Variants in IL1RAPL2 observed in about 807,000 individuals in gnomAD.
The protein encoded by IL1RAPL2 is interleukin 1 receptor accessory protein like 2.
Under a neutral mutation model 44.1 loss-of-function variants are expected in IL1RAPL2, and 3 were observed. The observed-to-expected ratio is 0.07, with a 90% CI of 0.03 to 0.18. The LOEUF is 0.18. Among genes scored for constraint, IL1RAPL2 ranks in the 10% least tolerant of loss-of-function variants. The pLI is 1.00. For missense variants in IL1RAPL2, 391 were observed against 496.4 expected (o/e 0.79, Z 2.02); for synonymous variants, 181 against 178.8 (o/e 1.01, Z -0.10).
At chrX:104,638,679 T>G (rs1929874377) in intron 1 of IL1RAPL2, among the ~76,000 whole-genome samples, 1 of 112,235 alleles carries the variant, frequency 8.9e-6, no homozygotes, top group Non-Finnish European at 1.9e-5. Flanking sequence ...AGTTCTTGTT[T>G]GTATTGATTT....
chrX:105,197,484 T>C (rs1218026995), intron 3 of IL1RAPL2, among the ~76,000 whole-genome samples: 4 of 111,912 alleles, frequency 3.6e-5, no homozygotes, highest in African/African-American at 9.8e-5. Flanking sequence ...TTAAACAAAT[T>C]ATTGCTACTT....
intron 1 of IL1RAPL2, among the ~76,000 whole-genome samples, chrX:104,601,545 A>G (rs1178235915): frequency 8.9e-6 from 1 of 112,047 alleles, no homozygotes; most frequent in Non-Finnish European, 1.9e-5. Flanking sequence ...CATTTGACCT[A>G]GGTCAAATGG....
intron 5 of IL1RAPL2, among the ~76,000 whole-genome samples, chrX:105,447,342 T>TATATAAATATATAAATATATAA (rs1163480673): frequency 3.4e-5 from 2 of 59,307 alleles, no homozygotes; most frequent in Non-Finnish European, 5.7e-5. Flanking sequence ...AAAATATAAA[T>TATATAAATATATAAATATATAA]ATATAAATAT....
chrX:104,751,699 T>C, intron 2 of IL1RAPL2, among the ~76,000 whole-genome samples: 1 of 111,506 alleles, frequency 9.0e-6, no homozygotes, highest in Middle Eastern at 4.6e-3. Flanking sequence ...CATTATGTCA[T>C]AGCATTGGAG....
chrX:105,153,297 C>T (rs781340820), intron 2 of IL1RAPL2, among the ~76,000 whole-genome samples: 1 of 111,693 alleles, frequency 9.0e-6, no homozygotes, highest in Non-Finnish European at 1.9e-5. Context: ...AGCCACATGA[C>T]GTATATAAAC....
At chrX:105,106,540 A>G (rs1185333428) in intron 2 of IL1RAPL2, among the ~76,000 whole-genome samples, 2 of 111,505 alleles carry the variant, frequency 1.8e-5, no homozygotes, top group Non-Finnish European at 3.8e-5. Context: ...GAGTCTACTC[A>G]GAAATATACA....
chrX:104,837,589 G>C (rs1034219083), intron 2 of IL1RAPL2, among the ~76,000 whole-genome samples: 1 of 111,111 alleles, frequency 9.0e-6, no homozygotes, highest in Non-Finnish European at 1.9e-5. Flanking sequence ...TTTTTTTCTT[G>C]TAAACTTGTT....
chrX:105,557,581 C>T (rs1208884072), intron 6 of IL1RAPL2, among the ~76,000 whole-genome samples: 1 of 111,294 alleles, frequency 9.0e-6, no homozygotes, highest in Non-Finnish European at 1.9e-5. Context: ...AGTCTTCATG[C>T]AATTCACTTT....
At chrX:105,654,893 A>G (rs1023377542) in intron 6 of IL1RAPL2, among the ~76,000 whole-genome samples, 1 of 111,883 alleles carries the variant, frequency 8.9e-6, no homozygotes, top group African/African-American at 3.2e-5. Context: ...AGACCTAGGT[A>G]CAGATCACTC....
At chrX:105,443,847 G>A (rs1256328227) in intron 5 of IL1RAPL2, among the ~76,000 whole-genome samples, 1 of 111,644 alleles carries the variant, frequency 9.0e-6, no homozygotes, top group African/African-American at 3.3e-5. Flanking sequence ...CTTTTTGGGG[G>A]GTATGTACAC....
intron 2 of IL1RAPL2, among the ~76,000 whole-genome samples, chrX:104,912,158 CTTTGTTTTGTTTTGT>C (rs761208158): frequency 2.9e-5 from 3 of 103,041 alleles, no homozygotes; most frequent in Non-Finnish European, 4.0e-5. Context: ...TCTTTTTTTC[CTTTGTTTTGTTTTGT>C]TTTGTTTTGT....
At chrX:104,738,986 G>A (rs1390315510) in intron 2 of IL1RAPL2, among the ~76,000 whole-genome samples, 1 of 111,562 alleles carries the variant, frequency 9.0e-6, no homozygotes, top group Non-Finnish European at 1.9e-5. Flanking sequence ...CTGATACCGA[G>A]AATGATGTAG....
intron 1 of IL1RAPL2, among the ~76,000 whole-genome samples, chrX:104,616,299 G>T (rs1317372184): frequency 1.8e-5 from 2 of 112,126 alleles, no homozygotes; most frequent in Admixed American, 9.4e-5. Flanking sequence ...CAGTGAAATA[G>T]ATCTAACTTA....
intron 2 of IL1RAPL2, among the ~76,000 whole-genome samples, chrX:104,834,500 C>A (rs1921691471): frequency 9.0e-6 from 1 of 111,243 alleles, no homozygotes; most frequent in Non-Finnish European, 1.9e-5. Flanking sequence ...AAAAATGGTC[C>A]CAAAACTGTG....
At chrX:104,766,893 C>A (rs1258344343) in intron 2 of IL1RAPL2, among the ~76,000 whole-genome samples, 1 of 112,141 alleles carries the variant, frequency 8.9e-6, no homozygotes, top group Non-Finnish European at 1.9e-5. Flanking sequence ...TCTCAGATGG[C>A]ATTTAGCTGT....
chrX:105,586,384 C>T (rs1362781715), intron 6 of IL1RAPL2, among the ~76,000 whole-genome samples: 2 of 112,053 alleles, frequency 1.8e-5, no homozygotes, highest in Non-Finnish European at 3.8e-5. Flanking sequence ...AATAGGAACA[C>T]TTTTACACTG....
At chrX:105,103,584 A>C (rs2032699273) in intron 2 of IL1RAPL2, among the ~76,000 whole-genome samples, 1 of 112,011 alleles carries the variant, frequency 8.9e-6, no homozygotes, top group African/African-American at 3.2e-5. Context: ...AAAGCCAGAA[A>C]GTCCTACGGT....
intron 2 of IL1RAPL2, among the ~76,000 whole-genome samples, chrX:104,839,513 G>A (rs7878242): frequency 0.053 from 5,890 of 111,439 alleles, 396 homozygotes; most frequent in African/African-American, 0.18. Flanking sequence ...GGATATTTGC[G>A]TCAATGTTCA....
Position 105,598,050 on chromosome X carries a change from C to CA in IL1RAPL2, c.772+113666dup, listed in dbSNP as rs750791545. Among the ~76,000 whole-genome samples, 28 of 110,981 alleles carry CA rather than the reference C, an allele frequency of 2.5e-4. 1 individual carries two copies. In the East Asian group the frequency reaches 8.0e-3, roughly 32 times the overall value. Reference sequence around the variant, plus strand: ...ATTTACAATAGCCAAGATATAAAAACAAACTAAATGTCCATTGGCAAATGG... The same window carrying CA: ...ATTTACAATAGCCAAGATATAAAAACAAAACTAAATGTCCATTGGCAAATGG... On this transcript the variant is annotated intron_variant, in intron 6 of 10. Transcript: ENST00000372582.
Sources: allele counts gnomAD v4.1 joint callset (sites outside exome capture counted in the v4.1 genomes callset), GRCh38; gene constraint gnomAD v4.1.1; transcripts MANE v1.5; gene names NCBI Gene and HGNC (gene_info 2026-07-23, HGNC 2026-07-21).